The following EXOC2 variants were observed in gnomAD, a reference collection of about 807,000 sequenced individuals.
EXOC2 encodes exocyst complex component 2.
EXOC2 carries 70 observed loss-of-function variants against 131.8 expected under a neutral mutation model. That is an observed-to-expected ratio of 0.53 (90% confidence interval 0.44 to 0.65). EXOC2 has a LOEUF of 0.65. Ranked by LOEUF, EXOC2 falls within the 30% of genes least tolerant of loss-of-function variation. The probability of loss-of-function intolerance (pLI) is 0.00; values close to 1 mark genes in which losing one functional copy is unlikely to be tolerated. For synonymous variants in EXOC2, 411 were observed against 398.4 expected, an observed-to-expected ratio of 1.03 and a Z score of -0.38; for missense variants, 923 against 1,108.6, an observed-to-expected ratio of 0.83 and a Z score of 2.38.
At chr6:573,164 T>C (rs1379515948) in intron 12 of EXOC2, among the ~76,000 whole-genome samples, 4 of 152,176 alleles carry the variant, frequency 2.6e-5, no homozygotes, top group African/African-American at 9.7e-5. Context: ...ACATACTAAA[T>C]AACCCCACCT....
At chr6:541,919 A>G (rs769542561) in intron 22 of EXOC2, among the ~76,000 whole-genome samples, 1 of 152,242 alleles carries the variant, frequency 6.6e-6, no homozygotes, top group Non-Finnish European at 1.5e-5. Flanking sequence ...AAAGGAATAT[A>G]TTCTTTAATT....
At chr6:687,693 G>A (rs191232711) in intron 1 of EXOC2, among the ~76,000 whole-genome samples, 59 of 152,310 alleles carry the variant, frequency 3.9e-4, no homozygotes, top group Non-Finnish European at 7.8e-4. Flanking sequence ...GCATTACCCT[G>A]AAGAAATGAC....
chr6:637,973 G>A (rs1425801453), intron 1 of EXOC2, 112 bp from the exon 2 acceptor site: 4 of 711,590 alleles, frequency 5.6e-6, no homozygotes, highest in Non-Finnish European at 9.1e-6. Context: ...CTTAAACACA[G>A]AGTTTTGAAT....
At chr6:633,557 C>A (rs1747599) in intron 2 of EXOC2, among the ~76,000 whole-genome samples, 102,504 of 152,172 alleles carry the variant, frequency 0.67, 34,985 homozygotes, top group Middle Eastern at 0.83. Context: ...CTTCCTGAGA[C>A]AAATCTTCAC....
chr6:673,639 G>A (rs748205139), intron 1 of EXOC2, among the ~76,000 whole-genome samples: 1 of 152,002 alleles, frequency 6.6e-6, no homozygotes, highest in Non-Finnish European at 1.5e-5. Context: ...CGGCAAGGAG[G>A]GGTTCTGCCT....
At chr6:496,728 A>G (rs1258165554) in intron 25 of EXOC2, among the ~76,000 whole-genome samples, 1 of 152,080 alleles carries the variant, frequency 6.6e-6, no homozygotes, top group Non-Finnish European at 1.5e-5. Context: ...AAAAAATTTT[A>G]TTTTTTGATA....
chr6:653,472 G>A (rs1006630236), intron 1 of EXOC2, among the ~76,000 whole-genome samples: 7 of 152,338 alleles, frequency 4.6e-5, no homozygotes, highest in African/African-American at 1.7e-4. Flanking sequence ...GATCTAGATT[G>A]AAGATAAACC....
chr6:577,527 A>T (rs1474710311), intron 11 of EXOC2, among the ~76,000 whole-genome samples: 2 of 152,202 alleles, frequency 1.3e-5, no homozygotes, highest in Non-Finnish European at 2.9e-5. Flanking sequence ...TTATGCTGAG[A>T]ATTAGGAAAC....
chr6:604,357 C>A (rs1760277655), intron 7 of EXOC2, among the ~76,000 whole-genome samples: 1 of 152,180 alleles, frequency 6.6e-6, no homozygotes, highest in Non-Finnish European at 1.5e-5. Flanking sequence ...TCACTAGCAG[C>A]CACGTCACCC....
At chr6:528,612 C>G (rs548980933) in intron 23 of EXOC2, among the ~76,000 whole-genome samples, 3 of 152,004 alleles carry the variant, frequency 2.0e-5, no homozygotes, top group African/African-American at 7.2e-5. Flanking sequence ...AGTATGGTGC[C>G]ATGTGCCATT....
At chr6:634,367 G>A (rs1762000675) in intron 2 of EXOC2, among the ~76,000 whole-genome samples, 1 of 152,152 alleles carries the variant, frequency 6.6e-6, no homozygotes, top group Non-Finnish European at 1.5e-5. Context: ...TTACAGGTGT[G>A]AGCCACCATG....
At chr6:630,858 G>C (rs1183006759) in intron 3 of EXOC2, among the ~76,000 whole-genome samples, 1 of 152,196 alleles carries the variant, frequency 6.6e-6, no homozygotes, top group Non-Finnish European at 1.5e-5. Flanking sequence ...GGAACGCATG[G>C]CTTGTATAAT....
At chr6:682,479 T>C (rs573175335) in intron 1 of EXOC2, among the ~76,000 whole-genome samples, 10 of 152,172 alleles carry the variant, frequency 6.6e-5, no homozygotes, top group South Asian at 2.1e-4. Context: ...GGATTACAGG[T>C]GTGAGCCACC....
At chr6:620,332 G>C (rs1761219774) in intron 4 of EXOC2, among the ~76,000 whole-genome samples, 1 of 152,094 alleles carries the variant, frequency 6.6e-6, no homozygotes, top group Non-Finnish European at 1.5e-5. Flanking sequence ...GAATCTGCTT[G>C]TCCCTCAGGG....
At chr6:519,177 C>T in intron 23 of EXOC2, among the ~76,000 whole-genome samples, 1 of 27,610 alleles carries the variant, frequency 3.6e-5, no homozygotes, top group African/African-American at 1.9e-4. Context: ...AACCACCACC[C>T]ACTGAGCGCC....
chr6:602,738 C>T (rs1187308872), intron 7 of EXOC2, among the ~76,000 whole-genome samples: 3 of 152,190 alleles, frequency 2.0e-5, no homozygotes, highest in African/African-American at 4.8e-5. Context: ...CTCACTGTCT[C>T]GGTCACACAG....
chr6:524,915 T>TGCCTTCTGCAGGAGTGCTGGGC (rs1255301886), intron 23 of EXOC2: 3 of 152,246 alleles, frequency 2.0e-5, no homozygotes, highest in Admixed American at 6.5e-5. Flanking sequence ...CATCCCTCTG[T>TGCCTTCTGCAGGAGTGCTGGGC]GCCTTCTGCA....
Position 599,404 on chromosome 6 carries a change from A to G in EXOC2, c.743-179T>C, listed in dbSNP as rs528228623. ...CTAAAATAAAATTTCCATTTTGCCT[A>G]AGTCTTTTCATATGTTAAGAATGGT... On this transcript the variant is annotated intron_variant, in intron 7 of 27. Coordinates refer to ENST00000230449, the MANE Select transcript of EXOC2 (RefSeq NM_018303.6). Among the ~76,000 whole-genome samples the G allele has an allele frequency of 7.9e-5, 12 of 152,354 alleles. No individual in the cohort carries two copies. The East Asian group carries it at 1.3e-3, about 17-fold the overall frequency.
At chr6:660,905 A>G (rs1415688655) in intron 1 of EXOC2, among the ~76,000 whole-genome samples, 1 of 152,228 alleles carries the variant, frequency 6.6e-6, no homozygotes, top group Non-Finnish European at 1.5e-5. Flanking sequence ...CAAATAAACA[A>G]TACAAAAAGT....
Sources: gnomAD v4.1 joint callset for allele counts (sites outside exome capture counted in the v4.1 genomes callset) on GRCh38, gnomAD v4.1.1 for gene constraint, MANE v1.5 for transcripts, NCBI Gene and HGNC (gene_info 2026-07-23, HGNC 2026-07-21) for gene names.